The following PDLIM5 variants were observed in gnomAD, a reference collection of about 807,000 sequenced individuals.
PDLIM5 encodes PDZ and LIM domain protein 5.
PDLIM5 carries 34 observed loss-of-function variants against 64.2 expected under a neutral mutation model. The ratio of observed to expected loss-of-function variants is 0.53; its 90% CI spans 0.40 to 0.71. PDLIM5 has a LOEUF of 0.71. Among genes scored for constraint, PDLIM5 ranks in the 30% least tolerant of loss-of-function variants. The probability of loss-of-function intolerance (pLI) is 0.00; values close to 1 mark genes in which losing one functional copy is unlikely to be tolerated. For synonymous variants in PDLIM5, 253 were observed against 269.1 expected (o/e 0.94, Z 0.59); for missense variants, 683 against 733.6 (o/e 0.93, Z 0.80).
chr4:94,456,131 A>G, intron 2 of PDLIM5: 1 of 618,686 alleles, frequency 1.6e-6, no homozygotes, highest in Admixed American at 3.8e-5. Flanking sequence ...AGTTTCTAAA[A>G]GGTTTGTTTT....
chr4:94,529,889 A>C (rs1730706388), intron 3 of PDLIM5, among the ~76,000 whole-genome samples: 1 of 152,204 alleles, frequency 6.6e-6, no homozygotes, highest in Non-Finnish European at 1.5e-5. Flanking sequence ...TTTAAATGTC[A>C]AATGTGTTTG....
At chr4:94,540,492 A>ACC (rs1304296954) in intron 3 of PDLIM5, among the ~76,000 whole-genome samples, 5 of 152,214 alleles carry the variant, frequency 3.3e-5, no homozygotes, top group Non-Finnish European at 7.3e-5. Flanking sequence ...CACAGCCAGG[A>ACC]TGAAAAACAC....
chr4:94,653,205 A>G (rs574167065), intron 9 of PDLIM5, among the ~76,000 whole-genome samples: 14 of 152,176 alleles, frequency 9.2e-5, no homozygotes, highest in African/African-American at 3.1e-4. Context: ...AGGAAATTCA[A>G]CTTCTGGCCT....
At chr4:94,584,741 T>G in intron 5 of PDLIM5, 3 of 448,360 alleles carry the variant, frequency 6.7e-6, no homozygotes, top group Non-Finnish European at 1.2e-5. Context: ...GAAGATTTGA[T>G]CATTTAATTT....
At chr4:94,474,174 C>T (rs1183665698) in intron 2 of PDLIM5, among the ~76,000 whole-genome samples, 2 of 152,120 alleles carry the variant, frequency 1.3e-5, no homozygotes, top group East Asian at 3.8e-4. Flanking sequence ...ATTTTTCTTT[C>T]AGAAGGCTTT....
At chr4:94,511,476 A>G (rs908400290) in intron 2 of PDLIM5, among the ~76,000 whole-genome samples, 3 of 152,106 alleles carry the variant, frequency 2.0e-5, no homozygotes, top group Non-Finnish European at 4.4e-5. Flanking sequence ...ACAATCCAAT[A>G]ACACTCTTAT....
chr4:94,628,668 A>G (rs780777401), intron 8 of PDLIM5, among the ~76,000 whole-genome samples: 13 of 152,156 alleles, frequency 8.5e-5, no homozygotes, highest in Non-Finnish European at 1.6e-4. Flanking sequence ...ATTGGTGGGA[A>G]AATGGTAAAA....
rs1738343380 is a variant in PDLIM5 at position 94,611,273 on chromosome 4, G to C, written c.921-6731G>C. 4.8e-6 allele frequency: 6 copies of C among 1,254,700 alleles called. No homozygotes were observed. The East Asian group carries it at 1.6e-4, about 32-fold the overall frequency. 77.7% of individuals were successfully genotyped at this position (1,254,700 alleles called of 1,614,324 possible). On this transcript the variant is annotated intron_variant, in intron 7 of 12. Coordinates refer to ENST00000317968, the MANE Select transcript of PDLIM5 (RefSeq NM_006457.5). The stretch of plus-strand genomic sequence containing the variant: ...CTGCTTTCTCTAACACTCCACCACT[G>C]TATTAACAGGCCAGGTGAGAACATG...
At chr4:94,610,388 C>T in intron 7 of PDLIM5, 1 of 750,712 alleles carries the variant, frequency 1.3e-6, no homozygotes, top group Non-Finnish European at 2.0e-6. Flanking sequence ...AAACATGCCC[C>T]TTTGAAGCAA....
intron 8 of PDLIM5, among the ~76,000 whole-genome samples, chr4:94,632,409 AC>A (rs1182203329): frequency 5.3e-5 from 8 of 152,180 alleles, no homozygotes; most frequent in African/African-American, 1.9e-4. Context: ...ACTCTTCAAA[AC>A]TTTTTACTAT....
intron 7 of PDLIM5, among the ~76,000 whole-genome samples, chr4:94,608,409 A>G (rs1738103863): frequency 2.0e-5 from 3 of 152,184 alleles, no homozygotes. Flanking sequence ...TCTTTCATTT[A>G]TTCACTTTGT....
chr4:94,575,483 G>GT, intron 4 of PDLIM5, 133 bp from the exon 5 acceptor site: 1 of 629,976 alleles, frequency 1.6e-6, no homozygotes, highest in Non-Finnish European at 2.8e-6. Context: ...GTTTTTATCT[G>GT]GAAACATGAT....
intron 7 of PDLIM5, chr4:94,587,646 C>A: frequency 1.0e-6 from 1 of 978,864 alleles, no homozygotes; most frequent in Non-Finnish European, 1.2e-6. Flanking sequence ...AGGTACTATT[C>A]AGGATGGCTC....
At chr4:94,545,909 C>T (rs1732272241) in intron 3 of PDLIM5, among the ~76,000 whole-genome samples, 1 of 152,044 alleles carries the variant, frequency 6.6e-6, no homozygotes. Flanking sequence ...GAGCAGCCTT[C>T]AAAAGTATAT....
chr4:94,465,503 C>T (rs1010059250), intron 2 of PDLIM5, among the ~76,000 whole-genome samples: 7 of 152,112 alleles, frequency 4.6e-5, no homozygotes, highest in Non-Finnish European at 8.8e-5. Context: ...TGGGTTCAAG[C>T]GGTTCTCCTG....
intron 7 of PDLIM5, among the ~76,000 whole-genome samples, chr4:94,614,049 G>A (rs896888645): frequency 2.1e-5 from 3 of 139,676 alleles, no homozygotes; most frequent in East Asian, 2.2e-4. Context: ...TGCAACCTCC[G>A]CCTCGCGGGT....
intron 2 of PDLIM5, chr4:94,456,605 A>G (rs1578186762): frequency 1.4e-6 from 1 of 728,196 alleles, no homozygotes; most frequent in East Asian, 2.7e-5. Flanking sequence ...GTATAATTTT[A>G]TTTTATAAGG....
intron 2 of PDLIM5, among the ~76,000 whole-genome samples, chr4:94,487,485 A>G (rs191309386): frequency 7.0e-4 from 106 of 152,330 alleles, no homozygotes; most frequent in Non-Finnish European, 1.3e-3. Flanking sequence ...ATTTACAATT[A>G]GGTTTCTGTG....
chr4:94,625,499 C>A (rs367760265), intron 8 of PDLIM5, among the ~76,000 whole-genome samples: 7 of 150,542 alleles, frequency 4.6e-5, no homozygotes, highest in Admixed American at 3.3e-4. Flanking sequence ...GTTGCCCAGG[C>A]TGGAGTGCAG....
Sources: allele counts gnomAD v4.1 joint callset (sites outside exome capture counted in the v4.1 genomes callset), GRCh38; gene constraint gnomAD v4.1.1; transcripts MANE v1.5; gene names NCBI Gene and HGNC (gene_info 2026-07-23, HGNC 2026-07-21).